Variants in FAM20C observed in about 807,000 individuals in gnomAD.
The protein encoded by FAM20C is extracellular serine/threonine protein kinase FAM20C.
A neutral mutation model predicts 51.5 loss-of-function variants in FAM20C; 40 were observed. The ratio of observed to expected loss-of-function variants is 0.78; its 90% CI spans 0.60 to 1.01. The LOEUF (loss-of-function observed/expected upper bound fraction) is 1.01. Among genes scored for constraint, FAM20C ranks in the 50% least tolerant of loss-of-function variants. The pLI, the probability that FAM20C is intolerant of heterozygous loss-of-function variation, is 0.00. For missense variants in FAM20C, 861 were observed against 844.7 expected (o/e 1.02, Z -0.24); for synonymous variants, 406 against 380.6 (o/e 1.07, Z -0.78).
Position 255,958 on chromosome 7 carries a change from C to A in FAM20C, c.1182C>A (p.Asp394Glu). The change falls in exon 6 of 10, where the codon GAC (aspartate) becomes GAA (glutamate). Residue 394 changes from aspartate (D) to glutamate (E), a missense_variant. Coordinates refer to ENST00000313766, the MANE Select transcript of FAM20C (RefSeq NM_020223.4). ...GCTCGCTGGCGGCCTTCCTGCCCGACCTGTCCCTGGCCAAGAGGAAGACCT... is the reference window on the plus strand; with the variant it reads ...GCTCGCTGGCGGCCTTCCTGCCCGAACTGTCCCTGGCCAAGAGGAAGACCT... Reference protein sequence around the residue: ...IEGSLAAFLPDLSLAKRKTWR... With the variant: ...IEGSLAAFLPELSLAKRKTWR... 1 of 1,536,236 alleles carries A rather than the reference C, an allele frequency of 6.5e-7. No homozygotes were observed. Among genetic ancestry groups the A allele is most frequent in the Non-Finnish European group, 8.7e-7 (1 of 1,146,834 alleles).
At chr7:215,154 G>C (rs1051592072) in intron 3 of FAM20C, among the ~76,000 whole-genome samples, 3 of 151,810 alleles carry the variant, frequency 2.0e-5, no homozygotes, top group African/African-American at 4.8e-5. Flanking sequence ...GTTATGTACA[G>C]AGTGAAAGAG....
At chr7:247,024 G>T (rs926084117) in intron 4 of FAM20C, among the ~76,000 whole-genome samples, 1 of 152,216 alleles carries the variant, frequency 6.6e-6, no homozygotes, top group Non-Finnish European at 1.5e-5. Flanking sequence ...AAGAGGGAAG[G>T]AGGCAGGGAG....
chr7:254,794 C>T (rs890258330), intron 5 of FAM20C, among the ~76,000 whole-genome samples: 1 of 152,212 alleles, frequency 6.6e-6, no homozygotes, highest in African/African-American at 2.4e-5. Context: ...CAGCGTCCCA[C>T]CCCCAGTCTA....
intron 3 of FAM20C, chr7:229,245 T>C: frequency 8.4e-6 from 2 of 236,714 alleles, no homozygotes; most frequent in South Asian, 6.5e-5. Flanking sequence ...GGCAGCCCCC[T>C]TTTCTGTGAG....
At chr7:214,561 C>T (rs566136949) in intron 3 of FAM20C, among the ~76,000 whole-genome samples, 11 of 152,346 alleles carry the variant, frequency 7.2e-5, no homozygotes, top group Admixed American at 3.9e-4. Context: ...GGAAACACCA[C>T]GTAGCCACAG....
chr7:196,032 T>C (rs894370477), intron 2 of FAM20C, among the ~76,000 whole-genome samples: 3 of 152,004 alleles, frequency 2.0e-5, no homozygotes, highest in Admixed American at 6.6e-5. Context: ...GATGACAGAG[T>C]CCTTCCCTCC....
At chr7:203,424 C>G (rs1786219050) in intron 2 of FAM20C, among the ~76,000 whole-genome samples, 1 of 152,196 alleles carries the variant, frequency 6.6e-6, no homozygotes, top group South Asian at 2.1e-4. Flanking sequence ...CCTGCTGGCC[C>G]CTTCCTGGGT....
At chr7:242,197 G>A (rs1017462503) in intron 3 of FAM20C, among the ~76,000 whole-genome samples, 3 of 152,198 alleles carry the variant, frequency 2.0e-5, no homozygotes, top group South Asian at 4.1e-4. Flanking sequence ...TGCCCGTCCC[G>A]CAACAGCTCT....
intron 3 of FAM20C, among the ~76,000 whole-genome samples, chr7:244,724 A>G (rs1788080613): frequency 6.6e-6 from 1 of 152,192 alleles, no homozygotes; most frequent in African/African-American, 2.4e-5. Flanking sequence ...CCAGCCCACC[A>G]TCCGCATTTT....
chr7:193,325 G>A lies in FAM20C; in HGVS notation c.126G>A (p.Gly42=). The change falls in exon 1 of 10, where the codon GGG becomes GGA. Residue 42 remains glycine (G), a synonymous_variant. Transcript: ENST00000313766. ...RLERRGARPS[G]EPGCSCAQPA... ...AGCGACGCGGCGCGCGGCCCTCGGG[G>A]GAGCCCGGCTGTTCGTGCGCGCAGC... 4.4e-6 allele frequency: 6 copies of A among 1,368,142 alleles called. No homozygotes were observed. The highest frequency in any genetic ancestry group is 5.7e-6 in the Non-Finnish European group (6 of 1,051,508). The allele number at this position is 1,368,142 out of a possible 1,614,324, so 84.8% of individuals were successfully genotyped here.
intron 3 of FAM20C, among the ~76,000 whole-genome samples, chr7:216,704 A>AGT (rs1491279755): frequency 1.8e-5 from 2 of 111,554 alleles, no homozygotes; most frequent in African/African-American, 3.3e-5. Flanking sequence ...TGTGTGAGAC[A>AGT]GAGTGTGTGT....
intron 3 of FAM20C, among the ~76,000 whole-genome samples, chr7:244,887 C>A (rs747362826): frequency 2.0e-5 from 3 of 152,224 alleles, no homozygotes; most frequent in Non-Finnish European, 4.4e-5. Context: ...TGGTACACAT[C>A]TTTAACCCCC....
chr7:194,200 G>C (rs4582502), intron 1 of FAM20C: 63,562 of 193,548 alleles, frequency 0.33, 11,247 homozygotes, highest in African/African-American at 0.46. Flanking sequence ...GGGCACCTTG[G>C]AGAAGGTCTG....
chr7:249,821 C>T lies in FAM20C; in HGVS notation c.1072+1391C>T, dbSNP rs568229637. Among the ~76,000 whole-genome samples the T allele has an allele frequency of 4.6e-5, 7 of 152,342 alleles. No individual in the cohort carries two copies. The East Asian group carries it at 5.8e-4, about 13-fold the overall frequency. On this transcript the variant is annotated intron_variant, in intron 5 of 9. Transcript: ENST00000313766. ...TCCTCTCCAAGCGCCTCTCTGGTAC[C>T]AGGCCCCTGCTGCACAGCCTGTTCC...
intron 3 of FAM20C, chr7:228,880 G>A (rs984809699): frequency 3.6e-5 from 16 of 446,334 alleles, no homozygotes; most frequent in African/African-American, 2.8e-4. Flanking sequence ...AGGGTCCCAC[G>A]CTGGGGATTC....
intron 3 of FAM20C, chr7:227,498 G>A (rs897706019): frequency 6.6e-6 from 1 of 151,864 alleles, no homozygotes; most frequent in Admixed American, 6.6e-5. Flanking sequence ...AGGGCTCCAC[G>A]GAGGAAAAAC....
At position 257,857 on chromosome 7, in the gene FAM20C, G is replaced by A. The variant is rs1217897534; in HGVS notation, c.1445+771G>A. On this transcript the variant is annotated intron_variant, in intron 8 of 9. Transcript: ENST00000313766. Reference sequence around the variant, plus strand: ...GGGCAGGGTGGACCCACTGCCTGGGGTGCTGGAGATGGGGCTGGGTGGACC... The same window carrying A: ...GGGCAGGGTGGACCCACTGCCTGGGATGCTGGAGATGGGGCTGGGTGGACC... 6.1e-4 allele frequency among the ~76,000 whole-genome samples: 71 copies of A among 117,166 alleles called. 1 individual carries two copies. The highest frequency in any genetic ancestry group is 1.3e-3 in the African/African-American group (36 of 27,610). 76.9% of individuals were successfully genotyped at this position (117,166 alleles called of 152,430 possible). A position where few individuals can be genotyped will look rare whatever the true frequency, so the allele number is the denominator to read the frequency against.
chr7:252,734 GC>G lies in FAM20C; in HGVS notation c.1073-3111del, dbSNP rs899524088. Among the ~76,000 whole-genome samples the G allele has an allele frequency of 4.1e-4, 63 of 152,346 alleles. 2 individuals carry two copies. The highest frequency in any genetic ancestry group is 1.3e-3 in the African/African-American group (52 of 41,578). ...GAGGCTGAGCCCCAGGCAGCCCCCTGCCCCACGTAGGGATTGTGGAGCTCAG... is the reference window on the plus strand; with the variant it reads ...GAGGCTGAGCCCCAGGCAGCCCCCTGCCCACGTAGGGATTGTGGAGCTCAG... On this transcript the variant is annotated intron_variant, in intron 5 of 9. Coordinates refer to ENST00000313766, the MANE Select transcript of FAM20C (RefSeq NM_020223.4).
chr7:232,170 C>T (rs28731441), intron 3 of FAM20C, among the ~76,000 whole-genome samples: 76,740 of 152,168 alleles, frequency 0.5, 21,904 homozygotes, highest in Non-Finnish European at 0.62. Context: ...TCTTTGCTGA[C>T]GCCCTGAGCT....
Sources: gnomAD v4.1 joint callset for allele counts (sites outside exome capture counted in the v4.1 genomes callset) on GRCh38, gnomAD v4.1.1 for gene constraint, MANE v1.5 for transcripts, NCBI Gene and HGNC (gene_info 2026-07-23, HGNC 2026-07-21) for gene names.